RASGRP3: variants seen among roughly 807,000 people sequenced by gnomAD.
The protein encoded by RASGRP3 is RAS guanyl releasing protein 3, also known as ras guanyl-releasing protein 3.
Under a neutral mutation model 82.7 loss-of-function variants are expected in RASGRP3, and 54 were observed. That is an observed-to-expected ratio of 0.65 (90% confidence interval 0.52 to 0.82). The LOEUF (loss-of-function observed/expected upper bound fraction) is 0.82, where lower values mean the gene tolerates loss of function less well. RASGRP3 is among the 40% of genes least tolerant of loss of function. The probability of loss-of-function intolerance (pLI) is 0.00; values close to 1 mark genes in which losing one functional copy is unlikely to be tolerated. For synonymous variants in RASGRP3, 309 were observed against 300.5 expected (o/e 1.03, Z -0.29); for missense variants, 861 against 828.9 (o/e 1.04, Z -0.48).
chr2:33,535,292 G>A (rs1558498792), intron 11 of RASGRP3, among the ~76,000 whole-genome samples: 1 of 152,168 alleles, frequency 6.6e-6, no homozygotes, highest in Non-Finnish European at 1.5e-5. Context: ...TTAGTGGATG[G>A]ACTATATTTT....
rs1276043273 is a variant in RASGRP3 at position 33,543,497 on chromosome 2, A to G, written c.1279-15A>G. The G allele has an allele frequency of 6.6e-7, 1 of 1,505,410 alleles. No homozygotes were observed. The highest frequency in any genetic ancestry group is 2.3e-5 in the East Asian group (1 of 44,174). The allele number at this position is 1,505,410 out of a possible 1,614,324, so 93.3% of individuals were successfully genotyped here. A position where few individuals can be genotyped will look rare whatever the true frequency, so the allele number is the denominator to read the frequency against. On this transcript the variant is annotated splice_polypyrimidine_tract_variant and intron_variant, in intron 12 of 17. Transcript: ENST00000403687. ...CCTTATAGTCATTCAATAAATACTT[A>G]TCTTTCCTTTGCAGTCTGTATTTAG...
intron 1 of RASGRP3, among the ~76,000 whole-genome samples, chr2:33,501,447 T>C (rs2150980787): frequency 6.6e-6 from 1 of 152,320 alleles, no homozygotes; most frequent in East Asian, 1.9e-4. Context: ...GATAACTCTA[T>C]GTTTAAGTTT....
Position 33,499,000 on chromosome 2 carries a change from A to G in RASGRP3, c.-260-12710A>G, listed in dbSNP as rs1006139297. ...ATCCTCTTTAACAATCTGTAATACT[A>G]AAAATTGGGAAGCATATCTTGAAAT... On this transcript the variant is annotated intron_variant, in intron 1 of 17. Coordinates refer to ENST00000403687, the MANE Select transcript of RASGRP3 (RefSeq NM_001139488.2). Among the ~76,000 whole-genome samples, 5 of 152,330 alleles carry G rather than the reference A, an allele frequency of 3.3e-5. No homozygotes were observed. The South Asian group carries it at 1.0e-3, about 32-fold the overall frequency.
intron 1 of RASGRP3, among the ~76,000 whole-genome samples, chr2:33,494,110 T>G (rs1040489650): frequency 6.6e-6 from 1 of 152,210 alleles, no homozygotes; most frequent in Non-Finnish European, 1.5e-5. Flanking sequence ...CACCTTATCA[T>G]TTTGGCCTTG....
Position 33,549,677 on chromosome 2 carries a change from G to T in RASGRP3, c.1468G>T (p.Gly490Ter). Residue 490 changes from glycine (G) to a stop codon, truncating the protein, a stop_gained, in exon 14 of 18, where the codon GGA becomes TGA. Coordinates refer to ENST00000403687, the MANE Select transcript of RASGRP3 (RefSeq NM_001139488.2). LOFTEE classifies it high-confidence loss of function. The stretch of plus-strand genomic sequence containing the variant: ...TAAATCCCAACTACACTGTAAAATG[G>T]GACCAGGATTTATCCATAATTTTCA... ...RAKSQLHCKM[G>*]PGFIHNFQEM... The T allele has an allele frequency of 6.2e-7, 1 of 1,613,724 alleles. No individual in the cohort carries two copies. The highest frequency in any genetic ancestry group is 8.5e-7 in the Non-Finnish European group (1 of 1,179,732).
chr2:33,515,158 A>C lies in RASGRP3; in HGVS notation c.22A>C (p.Lys8Gln), dbSNP rs1030753010. The change falls in exon 3 of 18, where the codon AAA becomes CAA. Residue 8 changes from lysine to glutamine, a missense_variant. Transcript: ENST00000403687. ...AACCATGGGATCAAGTGGCCTTGGG[A>C]AAGCAGCAACATTAGATGAACTGCT... is the stretch of plus-strand genomic sequence containing the variant. MGSSGLG[K>Q]AATLDELLCT... The C allele has an allele frequency of 8.7e-6, 14 of 1,613,950 alleles. No individual in the cohort carries two copies. Among genetic ancestry groups the C allele is most frequent in the Non-Finnish European group, 1.1e-5 (13 of 1,179,848 alleles).
chr2:33,552,219 T>A (rs1675441738), intron 14 of RASGRP3, among the ~76,000 whole-genome samples: 1 of 152,232 alleles, frequency 6.6e-6, no homozygotes, highest in South Asian at 2.1e-4. Flanking sequence ...TAGAAAGCTC[T>A]GGACCTGGAG....
chr2:33,462,411 G>A (rs191602931), intron 2 of RASGRP3, among the ~76,000 whole-genome samples: 12 of 146,090 alleles, frequency 8.2e-5, no homozygotes, highest in African/African-American at 2.5e-4. Context: ...ACAGAGTCTC[G>A]CTCTGTTGGC....
intron 1 of RASGRP3, among the ~76,000 whole-genome samples, chr2:33,484,032 A>C (rs1357996245): frequency 2.6e-5 from 4 of 152,170 alleles, no homozygotes; most frequent in Non-Finnish European, 5.9e-5. Flanking sequence ...TGGCTTAGTC[A>C]CTTCTCTGTT....
intron 2 of RASGRP3, among the ~76,000 whole-genome samples, chr2:33,453,222 T>A (rs1244019250): frequency 6.6e-6 from 1 of 152,214 alleles, no homozygotes; most frequent in Non-Finnish European, 1.5e-5. Context: ...ATAAAGATTT[T>A]GAGCTTCCAG....
chr2:33,536,138 C>T (rs913479401), intron 11 of RASGRP3, among the ~76,000 whole-genome samples: 1 of 151,756 alleles, frequency 6.6e-6, no homozygotes, highest in African/African-American at 2.4e-5. Flanking sequence ...CTTGTCTCTA[C>T]TAAAAATACA....
At chr2:33,446,957 C>T (rs945643934) in intron 1 of RASGRP3, among the ~76,000 whole-genome samples, 6 of 151,880 alleles carry the variant, frequency 4.0e-5, no homozygotes, top group East Asian at 1.9e-4. Context: ...TCCTGGCTAA[C>T]GCGGTGAAAC....
intron 9 of RASGRP3, among the ~76,000 whole-genome samples, chr2:33,526,760 T>A (rs1308781109): frequency 6.6e-6 from 1 of 152,208 alleles, no homozygotes; most frequent in African/African-American, 2.4e-5. Flanking sequence ...TCGAGTAATA[T>A]CTGGAATGCA....
intron 1 of RASGRP3, among the ~76,000 whole-genome samples, chr2:33,445,792 A>T (rs1034526655): frequency 6.6e-6 from 1 of 152,122 alleles, no homozygotes. Flanking sequence ...TATATACTGG[A>T]TCAACAAAAC....
At chr2:33,459,009 A>G (rs998592099) in intron 2 of RASGRP3, among the ~76,000 whole-genome samples, 1 of 152,246 alleles carries the variant, frequency 6.6e-6, no homozygotes, top group Admixed American at 6.5e-5. Flanking sequence ...ATGATTCTAC[A>G]TGAAAAAATC....
At chr2:33,536,327 A>T (rs942481376) in intron 11 of RASGRP3, among the ~76,000 whole-genome samples, 1 of 142,524 alleles carries the variant, frequency 7.0e-6, no homozygotes, top group African/African-American at 2.5e-5. Context: ...AAAAAGAAAA[A>T]AAAAAAAAAA....
chr2:33,535,132 C>T (rs1286494216), intron 11 of RASGRP3, among the ~76,000 whole-genome samples: 3 of 152,142 alleles, frequency 2.0e-5, no homozygotes, highest in African/African-American at 7.2e-5. Flanking sequence ...TCATAATTTA[C>T]AAATTTCTCT....
intron 12 of RASGRP3, chr2:33,540,150 T>A (rs1401422270): frequency 2.0e-5 from 3 of 152,508 alleles, no homozygotes; most frequent in Non-Finnish European, 4.4e-5. Flanking sequence ...GTCTTTGGGA[T>A]AGAATGTGCT....
chr2:33,534,259 T>G (rs1347504512), intron 10 of RASGRP3, 64 bp from the exon 11 acceptor site: 3 of 1,167,524 alleles, frequency 2.6e-6, no homozygotes, highest in Non-Finnish European at 3.8e-6. Flanking sequence ...GAAAAAAAAT[T>G]CAGCAACGTA....
Sources: gnomAD v4.1 joint callset for allele counts (sites outside exome capture counted in the v4.1 genomes callset) on GRCh38, gnomAD v4.1.1 for gene constraint, MANE v1.5 for transcripts, NCBI Gene and HGNC (gene_info 2026-07-23, HGNC 2026-07-21) for gene names.